Variants in TCTN1 observed in about 807,000 individuals in gnomAD.
The protein encoded by TCTN1 is tectonic-1.
TCTN1 carries 58 observed loss-of-function variants against 65.8 expected under a neutral mutation model. The ratio of observed to expected loss-of-function variants is 0.88; its 90% CI spans 0.71 to 1.10. The LOEUF (loss-of-function observed/expected upper bound fraction) is 1.10, where lower values mean the gene tolerates loss of function less well. Ranked by LOEUF, TCTN1 falls within the 50% of genes least tolerant of loss-of-function variation. TCTN1 has a pLI of 0.00. For missense variants in TCTN1, 645 were observed against 719.4 expected (o/e 0.90, Z 1.18); for synonymous variants, 273 against 289.1 (o/e 0.94, Z 0.57).
intron 3 of TCTN1, among the ~76,000 whole-genome samples, chr12:110,627,098 C>CT (rs1272922586): frequency 0.025 from 3,206 of 130,634 alleles, 64 homozygotes; most frequent in African/African-American, 0.036. Flanking sequence ...TTCTTTCTTT[C>CT]TTTTTTTTTT....
chr12:110,629,613 G>A (rs1227949409), intron 4 of TCTN1: 2 of 152,210 alleles, frequency 1.3e-5, no homozygotes, highest in African/African-American at 4.8e-5. Flanking sequence ...GAGAGGATAT[G>A]GAGAAATAGG....
chr12:110,644,957 C>T lies in TCTN1; in HGVS notation c.1332-10C>T. The T allele has an allele frequency of 6.2e-7, 1 of 1,614,194 alleles. No homozygotes were observed. The highest frequency in any genetic ancestry group is 1.6e-4 in the Middle Eastern group (1 of 6,062). On this transcript the variant is annotated splice_polypyrimidine_tract_variant and intron_variant, in intron 11 of 14. Transcript: ENST00000397659. This position sits in a 1 kb window ranked among gnomAD's most constrained non-coding sequence, Gnocchi z 4.6. Reference sequence around the variant, plus strand: ...GCCTCATTCAGTTGACTTCTTTTTCCTTCACCAAGACTGACTGGAGCTCTC... The same window carrying T: ...GCCTCATTCAGTTGACTTCTTTTTCTTTCACCAAGACTGACTGGAGCTCTC...
intron 2 of TCTN1, among the ~76,000 whole-genome samples, chr12:110,620,810 C>CTTT (rs1216049794): frequency 1.4e-4 from 19 of 133,316 alleles, no homozygotes; most frequent in Non-Finnish European, 2.3e-4. Flanking sequence ...TTCAAGGCTT[C>CTTT]TTTTTTTTTT....
In TCTN1 at chr12:110,639,733, A is replaced by G. The variant is rs1005344078; in HGVS notation, c.844-650A>G. On this transcript the variant is annotated intron_variant, in intron 7 of 14. Transcript: ENST00000397659. This position sits in a 1 kb window ranked among gnomAD's most constrained non-coding sequence, Gnocchi z 4.9. ...AGTATACAATTCTGTGGTTTTTAGTATAGTCACAGGTTGTGCAACCATCAC... is the reference window on the plus strand; with the variant it reads ...AGTATACAATTCTGTGGTTTTTAGTGTAGTCACAGGTTGTGCAACCATCAC... 6.6e-6 allele frequency among the ~76,000 whole-genome samples: 1 copy of G among 152,178 alleles called. No homozygotes were observed. The highest frequency in any genetic ancestry group is 2.4e-5 in the African/African-American group (1 of 41,426).
chr12:110,641,699 C>T (rs1282731655), intron 10 of TCTN1, 72 bp downstream of exon 10: 13 of 1,451,514 alleles, frequency 9.0e-6, no homozygotes, highest in South Asian at 1.1e-5. Flanking sequence ...TGCTCTTTAT[C>T]GCTGAGGCTC....
intron 6 of TCTN1, 151 bp downstream of exon 6, chr12:110,634,930 AT>A: frequency 1.7e-6 from 1 of 587,312 alleles, no homozygotes; most frequent in Non-Finnish European, 3.0e-6. Flanking sequence ...GATTATTGAA[AT>A]AATCCTTTAA....
At chr12:110,634,398 C>T (rs1389438515) in intron 5 of TCTN1, 2 of 509,018 alleles carry the variant, frequency 3.9e-6, no homozygotes. Context: ...CATTGTAGGC[C>T]AGGCGTACTG....
Position 110,647,338 on chromosome 12 carries a change from T to C in TCTN1, c.1635+2T>C. The C allele has an allele frequency of 6.2e-7, 1 of 1,614,174 alleles. No individual in the cohort carries two copies. The highest frequency in any genetic ancestry group is 8.5e-7 in the Non-Finnish European group (1 of 1,180,040). On this transcript the variant is annotated splice_donor_variant, in intron 13 of 14. Coordinates refer to ENST00000397659, the MANE Select transcript of TCTN1 (RefSeq NM_001082538.3). LOFTEE classifies it high-confidence loss of function. ...CTAATTTCATCCTCCTTTCCTGAGG[T>C]AGGCCTAACCTAGTTTAAAGGCATA...
chr12:110,634,715 T>C lies in TCTN1; in HGVS notation c.758T>C (p.Leu253Ser). 6.2e-7 allele frequency: 1 copy of C among 1,612,536 alleles called. No individual in the cohort carries two copies. Among genetic ancestry groups the C allele is most frequent in the Non-Finnish European group, 8.5e-7 (1 of 1,179,284 alleles). ...QAVKCTRKIN[L>S]EQCEEIEALS... is the part of the protein sequence containing the mutation. ...GTTAAGTGCACCAGAAAAATAAATT[T>C]AGAACAGTGTGAAGAAATTGAAGCC... The change falls in exon 6 of 15, where the codon TTA becomes TCA. Residue 253 changes from leucine (L) to serine (S), a missense_variant. Physicochemically the swap from Leu to Ser is moderately radical, Grantham distance 145. Coordinates refer to ENST00000397659, the MANE Select transcript of TCTN1 (RefSeq NM_001082538.3).
intron 9 of TCTN1, 137 bp from the exon 10 acceptor site, chr12:110,641,405 A>C: frequency 1.1e-6 from 1 of 946,292 alleles, no homozygotes; most frequent in Non-Finnish European, 1.7e-6. Context: ...AGATGTATTT[A>C]TAGTTCTGAG....
chr12:110,642,442 A>G, intron 11 of TCTN1, 53 bp downstream of exon 11: 7 of 1,613,738 alleles, frequency 4.3e-6, no homozygotes, highest in Non-Finnish European at 5.9e-6. Context: ...AAAACAAAGC[A>G]TTCTCACTTT....
intron 10 of TCTN1, 144 bp from the exon 11 acceptor site, chr12:110,642,105 C>T: frequency 1.7e-5 from 18 of 1,051,482 alleles, no homozygotes; most frequent in Middle Eastern, 3.0e-4. Context: ...TTTTTGCCTG[C>T]TCCTGGGAAA....
Position 110,641,575 on chromosome 12 carries a change from C to T in TCTN1, c.1138C>T (p.Pro380Ser), listed in dbSNP as rs879119783. 1 of 1,614,178 alleles carries T rather than the reference C, an allele frequency of 6.2e-7. No individual in the cohort carries two copies. The highest frequency in any genetic ancestry group is 8.5e-7 in the Non-Finnish European group (1 of 1,180,038). The part of the protein sequence containing the change: ...NTQPVPLSGN[P>S]GYVVGLPLAA... Reference sequence around the variant, plus strand: ...CCAGCCAGTCCCTCTCAGTGGAAACCCTGGTTATGTCGTGGGGCTCCCATT... The same window carrying T: ...CCAGCCAGTCCCTCTCAGTGGAAACTCTGGTTATGTCGTGGGGCTCCCATT... Residue 380 changes from proline to serine, a missense_variant, in exon 10 of 15, where the codon CCT becomes TCT. Physicochemically the swap from Pro to Ser is moderately conservative, Grantham distance 74 (BLOSUM62 -1). Coordinates refer to ENST00000397659, the MANE Select transcript of TCTN1 (RefSeq NM_001082538.3).
rs1228414165 is a variant in TCTN1 at position 110,619,898 on chromosome 12, C to A, written c.283C>A (p.Pro95Thr). The change falls in exon 2 of 15, where the codon CCC becomes ACC. Residue 95 changes from proline to threonine, a missense_variant. Physicochemically the swap from Pro to Thr is conservative, Grantham distance 38. Transcript: ENST00000397659. ...GTGTGACATCAACTGCTGCTGTGAT[C>A]CCGACTGCAGCTCCGTGGATTTCAG... ...AQCDINCCCD[P>T]DCSSVDFSVF... 3 of 1,614,108 alleles carry A rather than the reference C, an allele frequency of 1.9e-6. No individual in the cohort carries two copies. Among genetic ancestry groups the A allele is most frequent in the Admixed American group, 1.7e-5 (1 of 59,992 alleles).
intron 4 of TCTN1, among the ~76,000 whole-genome samples, chr12:110,631,273 C>T (rs1161806599): frequency 1.2e-5 from 1 of 81,556 alleles, no homozygotes; most frequent in Admixed American, 1.3e-4. Flanking sequence ...AATCCGCTCG[C>T]CTCGGCCTCC....
intron 3 of TCTN1, 82 bp from the exon 4 acceptor site, chr12:110,628,685 C>G (rs1203062755): frequency 7.0e-6 from 9 of 1,289,938 alleles, no homozygotes; most frequent in Non-Finnish European, 8.6e-6. Context: ...CTATTAAAAA[C>G]TTTCCAAAAC....
chr12:110,628,468 G>C (rs1329049385), intron 3 of TCTN1, among the ~76,000 whole-genome samples: 1 of 151,636 alleles, frequency 6.6e-6, no homozygotes, highest in African/African-American at 2.4e-5. Flanking sequence ...AGCCTCCCGA[G>C]TAGCTGGGAT....
intron 1 of TCTN1, chr12:110,616,224 G>A: frequency 2.3e-6 from 1 of 443,158 alleles, no homozygotes; most frequent in Non-Finnish European, 4.5e-6. Context: ...TCCAGTATAG[G>A]GGATGAATTT....
In TCTN1 at chr12:110,614,210, C is replaced by T. The variant is rs764147560; in HGVS notation, c.28C>T (p.Leu10=). ...GAGGCCGCGAGGTCTCCCGCCGCTC[C>T]TGGTGGTGCTCCTGGGCTGCTGGGC... The part of the protein sequence containing the change: MRPRGLPPL[L]VVLLGCWASV... Residue 10 remains leucine (L), a synonymous_variant, in exon 1 of 15, where the codon CTG becomes TTG. Transcript: ENST00000397659. The T allele has an allele frequency of 6.3e-7, 1 of 1,580,284 alleles. No homozygotes were observed. Among genetic ancestry groups the T allele is most frequent in the East Asian group, 2.3e-5 (1 of 43,606 alleles).
Sources: gnomAD v4.1 joint callset for allele counts (sites outside exome capture counted in the v4.1 genomes callset) on GRCh38, gnomAD v4.1.1 for gene constraint, Gnocchi (gnomAD v3.1) non-coding constraint, MANE v1.5 for transcripts, NCBI Gene and HGNC (gene_info 2026-07-23, HGNC 2026-07-21) for gene names.